Variants in PRKCE observed in about 807,000 individuals in gnomAD.
The protein encoded by PRKCE is protein kinase C epsilon type.
A neutral mutation model predicts 85.4 loss-of-function variants in PRKCE; 16 were observed. The observed-to-expected ratio is 0.19, with a 90% CI of 0.13 to 0.28. The LOEUF is 0.28. Ranked by LOEUF, PRKCE falls within the 10% of genes least tolerant of loss-of-function variation. The pLI, the probability that PRKCE is intolerant of heterozygous loss-of-function variation, is 1.00. For missense variants in PRKCE, 573 were observed against 975.2 expected (o/e 0.59, Z 5.49); for synonymous variants, 388 against 371.5 (o/e 1.04, Z -0.51).
At chr2:45,880,837 G>A (rs1694826285) in intron 2 of PRKCE, among the ~76,000 whole-genome samples, 1 of 152,272 alleles carries the variant, frequency 6.6e-6, no homozygotes, top group Admixed American at 6.5e-5. Flanking sequence ...AGATATTAAG[G>A]ACTCAGAACA....
intron 2 of PRKCE, among the ~76,000 whole-genome samples, chr2:45,911,571 G>C (rs774949168): frequency 1.3e-5 from 2 of 152,170 alleles, no homozygotes; most frequent in Admixed American, 6.5e-5. Flanking sequence ...GTTAGTCCTG[G>C]ATGTAGGCAG....
In PRKCE at chr2:45,786,976, G is replaced by T. The variant is rs1342422196; in HGVS notation, c.349-56024G>T. On this transcript the variant is annotated intron_variant, in intron 1 of 14. Transcript: ENST00000306156. The surrounding 1 kb of genome is among the most constrained non-coding windows in gnomAD (Gnocchi z 5.3). The stretch of plus-strand genomic sequence containing the variant: ...CGCCTGGTGAGTCACTTGAGGCTTT[G>T]GTTCAAGTCGGGATTTCCCATCGGT... Among the ~76,000 whole-genome samples, 1 of 152,226 alleles carries T rather than the reference G, an allele frequency of 6.6e-6. No homozygotes were observed. The highest frequency in any genetic ancestry group is 1.5e-5 in the Non-Finnish European group (1 of 68,040).
chr2:45,995,663 G>T (rs994711318), intron 6 of PRKCE, among the ~76,000 whole-genome samples: 1 of 152,134 alleles, frequency 6.6e-6, no homozygotes, highest in Non-Finnish European at 1.5e-5. Flanking sequence ...ATTTGTGCGG[G>T]TCTGCTCTGG....
In PRKCE at chr2:46,186,022, C is replaced by T. The variant is rs41281467; in HGVS notation, c.*1141C>T. ...AGAATGAGGCTAAACATGGGTTATA[C>T]AAAGGGTATCTGGAAACTGAAGAGC... is the stretch of plus-strand genomic sequence containing the variant. On this transcript the variant is annotated 3_prime_UTR_variant, in exon 15 of 15. Transcript: ENST00000306156. The T allele has an allele frequency of 0.021, 3,163 of 152,650 alleles. 48 individuals carry two copies. The highest frequency in any genetic ancestry group is 0.059 in the East Asian group (306 of 5,190). The allele number at this position is 152,650 out of a possible 1,614,324, so 9.5% of individuals were successfully genotyped here.
chr2:45,788,696 G>A (rs886274517), intron 1 of PRKCE, among the ~76,000 whole-genome samples: 2 of 152,164 alleles, frequency 1.3e-5, no homozygotes, highest in African/African-American at 4.8e-5. Context: ...CGTCTGAAAG[G>A]GATGTATGTG....
chr2:46,020,688 T>C (rs893748338), intron 10 of PRKCE, among the ~76,000 whole-genome samples: 1 of 152,258 alleles, frequency 6.6e-6, no homozygotes, highest in Non-Finnish European at 1.5e-5. Context: ...TGATAGAATG[T>C]AACTGGGATG....
intron 1 of PRKCE, among the ~76,000 whole-genome samples, chr2:45,665,831 T>A (rs1675884681): frequency 6.6e-6 from 1 of 152,220 alleles, no homozygotes; most frequent in Admixed American, 6.5e-5. Flanking sequence ...AACCTAGGCT[T>A]CTGCTTCCCA....
intron 10 of PRKCE, among the ~76,000 whole-genome samples, chr2:46,069,304 C>T (rs57322816): frequency 0.29 from 44,367 of 152,018 alleles, 8,340 homozygotes; most frequent in African/African-American, 0.54. Flanking sequence ...GTTGAAATTA[C>T]ATGACTGTTC....
At chr2:46,015,691 CAAAAAAAAAAAAA>C (rs749060776) in intron 10 of PRKCE, among the ~76,000 whole-genome samples, 14 of 80,796 alleles carry the variant, frequency 1.7e-4, no homozygotes, top group African/African-American at 6.4e-4. Context: ...AACACTAAAC[CAAAAAAAAAAAAA>C]AAAAAAAAAC....
At chr2:45,690,559 T>C (rs1270117349) in intron 1 of PRKCE, among the ~76,000 whole-genome samples, 1 of 152,238 alleles carries the variant, frequency 6.6e-6, no homozygotes, top group East Asian at 1.9e-4. Flanking sequence ...TTAAATCAGA[T>C]TGGAGACAAA....
intron 1 of PRKCE, among the ~76,000 whole-genome samples, chr2:45,781,614 C>A (rs1045328762): frequency 3.3e-5 from 5 of 152,208 alleles, no homozygotes; most frequent in Admixed American, 2.0e-4. Flanking sequence ...TCATCACCAG[C>A]AGCTGATGCA....
intron 2 of PRKCE, among the ~76,000 whole-genome samples, chr2:45,882,056 A>G (rs1339041968): frequency 6.6e-6 from 1 of 152,236 alleles, no homozygotes; most frequent in African/African-American, 2.4e-5. Context: ...GGCATAAACT[A>G]AGCATGAGTT....
At chr2:46,113,731 G>T (rs1307588928) in intron 11 of PRKCE, among the ~76,000 whole-genome samples, 1 of 152,146 alleles carries the variant, frequency 6.6e-6, no homozygotes, top group Middle Eastern at 3.2e-3. Flanking sequence ...ACTTAGCCCT[G>T]GGTAGGGGTA....
chr2:45,795,879 G>A (rs565606210), intron 1 of PRKCE, among the ~76,000 whole-genome samples: 1 of 152,292 alleles, frequency 6.6e-6, no homozygotes, highest in African/African-American at 2.4e-5. Context: ...GGTTTGCACA[G>A]CTTTTAGCAT....
chr2:45,865,174 C>A (rs1418977702), intron 2 of PRKCE, among the ~76,000 whole-genome samples: 1 of 152,154 alleles, frequency 6.6e-6, no homozygotes, highest in Non-Finnish European at 1.5e-5. Flanking sequence ...CTAGGCGATG[C>A]CAGTTCTGCT....
chr2:45,991,168 G>A (rs1050151399), intron 6 of PRKCE, among the ~76,000 whole-genome samples: 8 of 151,540 alleles, frequency 5.3e-5, no homozygotes, highest in Non-Finnish European at 7.4e-5. Flanking sequence ...CACCACGCCC[G>A]GCAAATTTTT....
At chr2:45,870,416 A>G (rs1396923658) in intron 2 of PRKCE, among the ~76,000 whole-genome samples, 2 of 152,320 alleles carry the variant, frequency 1.3e-5, no homozygotes, top group Admixed American at 1.3e-4. Context: ...TTAAAGGTAT[A>G]ACTGGGGGGA....
chr2:45,840,344 C>A (rs1425127820), intron 1 of PRKCE: 1 of 152,210 alleles, frequency 6.6e-6, no homozygotes, highest in African/African-American at 2.4e-5. Flanking sequence ...TTCAGCAGAG[C>A]CGACTGTTGG....
chr2:45,994,163 A>G (rs1437867815), intron 6 of PRKCE, among the ~76,000 whole-genome samples: 1 of 152,232 alleles, frequency 6.6e-6, no homozygotes, highest in Non-Finnish European at 1.5e-5. Flanking sequence ...GTTCACAACA[A>G]AATAGGTCAA....
Sources: gnomAD v4.1 joint callset for allele counts (sites outside exome capture counted in the v4.1 genomes callset) on GRCh38, gnomAD v4.1.1 for gene constraint, Gnocchi (gnomAD v3.1) non-coding constraint, MANE v1.5 for transcripts, NCBI Gene and HGNC (gene_info 2026-07-23, HGNC 2026-07-21) for gene names.